ANKS1B: variants seen among roughly 807,000 people sequenced by gnomAD.
The protein encoded by ANKS1B is ankyrin repeat and sterile alpha motif domain containing 1B.
In ANKS1B, 36 loss-of-function variants were observed where a neutral mutation model predicts 148.3. The observed-to-expected ratio is 0.24, with a 90% confidence interval of 0.19 to 0.32. The LOEUF is 0.32. Among genes scored for constraint, ANKS1B ranks in the 10% least tolerant of loss-of-function variants. The pLI, the probability that ANKS1B is intolerant of heterozygous loss-of-function variation, is 1.00. For missense variants in ANKS1B, 1,157 were observed against 1,542.6 expected, an observed-to-expected ratio of 0.75 and a Z score of 4.19; for synonymous variants, 542 against 560.8, an observed-to-expected ratio of 0.97 and a Z score of 0.47.
intron 17 of ANKS1B, among the ~76,000 whole-genome samples, chr12:98,839,395 G>C (rs73149068): frequency 1.1e-4 from 17 of 151,626 alleles, no homozygotes; most frequent in South Asian, 8.3e-4. Context: ...ATGTATGTAT[G>C]TATCTATCTT....
intron 15 of ANKS1B, among the ~76,000 whole-genome samples, chr12:99,126,423 A>G (rs2064363163): frequency 6.6e-6 from 1 of 152,154 alleles, no homozygotes; most frequent in Non-Finnish European, 1.5e-5. Context: ...TAGTATTTCA[A>G]TTTAACAGTT....
chr12:99,818,791 C>A (rs2153674522), intron 2 of ANKS1B, among the ~76,000 whole-genome samples: 1 of 151,922 alleles, frequency 6.6e-6, no homozygotes, highest in Admixed American at 6.6e-5. Flanking sequence ...CAGTTAAAAA[C>A]AGGAATTCTA....
At chr12:99,621,718 T>C (rs1445302399) in intron 9 of ANKS1B, among the ~76,000 whole-genome samples, 1 of 152,066 alleles carries the variant, frequency 6.6e-6, no homozygotes, top group Non-Finnish European at 1.5e-5. Flanking sequence ...ATCCTAGATA[T>C]ATACACACCC....
intron 14 of ANKS1B, among the ~76,000 whole-genome samples, chr12:99,173,900 T>C (rs902842864): frequency 2.0e-5 from 3 of 152,186 alleles, no homozygotes; most frequent in Non-Finnish European, 4.4e-5. Flanking sequence ...AATCTGGTGC[T>C]GTCGGTGGCT....
In ANKS1B at chr12:99,441,341, C is replaced by CA. The variant is rs1338110263; in HGVS notation, c.1575+2331_1575+2332insT. Among the ~76,000 whole-genome samples, 5 of 151,902 alleles carry CA rather than the reference C, an allele frequency of 3.3e-5. No individual in the cohort carries two copies. The South Asian group carries it at 6.2e-4, about 19-fold the overall frequency. The stretch of plus-strand genomic sequence containing the variant: ...CTCCTGTTCTATCCATCCATCCATC[C>CA]TCTATGCACATCCTCTAGTCTTCAA... On this transcript the variant is annotated intron_variant, in intron 11 of 26. Transcript: ENST00000683438.
intron 14 of ANKS1B, among the ~76,000 whole-genome samples, chr12:99,177,537 T>C (rs1429167313): frequency 6.6e-6 from 1 of 152,202 alleles, no homozygotes; most frequent in Admixed American, 6.5e-5. Context: ...AACAGAATGG[T>C]AAGAAATTCA....
chr12:99,221,121 C>T (rs866159924), intron 14 of ANKS1B, among the ~76,000 whole-genome samples: 2 of 152,006 alleles, frequency 1.3e-5, no homozygotes, highest in Admixed American at 6.6e-5. Flanking sequence ...GGGCAGATCA[C>T]GAGGTCAGGA....
intron 8 of ANKS1B, among the ~76,000 whole-genome samples, chr12:99,735,707 C>G (rs2059547465): frequency 6.6e-6 from 1 of 151,408 alleles, no homozygotes; most frequent in Non-Finnish European, 1.5e-5. Flanking sequence ...TACTAATTCT[C>G]CTCAAACTAT....
At position 99,504,465 on chromosome 12, in the gene ANKS1B, A is replaced by G. The variant is rs762871802; in HGVS notation, c.1438+11T>C. The G allele has an allele frequency of 3.8e-6, 6 of 1,597,668 alleles. No homozygotes were observed. The highest frequency in any genetic ancestry group is 5.1e-6 in the Non-Finnish European group (6 of 1,168,656). ...AATTGAATCAGGCCAATTGTGAGTA[A>G]GAGATATTACCAGTTCTTGGGGAAG... On this transcript the variant is annotated intron_variant, in intron 10 of 26. Transcript: ENST00000683438.
At chr12:99,440,841 G>A (rs1358517223) in intron 11 of ANKS1B, among the ~76,000 whole-genome samples, 3 of 151,746 alleles carry the variant, frequency 2.0e-5, no homozygotes, top group Non-Finnish European at 4.4e-5. Context: ...TATACAAGAG[G>A]CAAAGGAAAA....
intron 14 of ANKS1B, among the ~76,000 whole-genome samples, chr12:99,182,762 A>G (rs1416020212): frequency 1.3e-5 from 2 of 151,934 alleles, no homozygotes; most frequent in Non-Finnish European, 2.9e-5. Context: ...GGTGGTTCTA[A>G]TTTACGTTCC....
At position 98,926,970 on chromosome 12, in the gene ANKS1B, G is replaced by A. The variant is rs577257587; in HGVS notation, c.2779-94834C>T. The stretch of plus-strand genomic sequence containing the variant: ...GAATATTTGAAGAAATAACAGCTGG[G>A]AACTCTCCAAACTTGATGAAAACTA... On this transcript the variant is annotated intron_variant, in intron 17 of 26. Transcript: ENST00000683438. Among the ~76,000 whole-genome samples the A allele has an allele frequency of 3.3e-5, 5 of 152,190 alleles. No individual in the cohort carries two copies. In the South Asian group the frequency reaches 8.3e-4, roughly 25 times the overall value.
intron 19 of ANKS1B, among the ~76,000 whole-genome samples, chr12:98,821,732 C>T (rs567802882): frequency 1.3e-5 from 2 of 152,064 alleles, no homozygotes; most frequent in African/African-American, 4.8e-5. Context: ...CTCAGCCTCC[C>T]GAGTAGCTGG....
At position 99,517,653 on chromosome 12, in the gene ANKS1B, T is replaced by C. The variant is rs1011960399; in HGVS notation, c.1273-13012A>G. On this transcript the variant is annotated intron_variant, in intron 9 of 26. Coordinates refer to ENST00000683438, the MANE Select transcript of ANKS1B (RefSeq NM_001352186.2). ...CTGAGGCAGGAGAATCGCTTGAATA[T>C]ATATAGCCAACAAGAATACTTTGAC... Among the ~76,000 whole-genome samples, 11 of 152,102 alleles carry C rather than the reference T, an allele frequency of 7.2e-5. No homozygotes were observed. In the East Asian group the frequency reaches 1.9e-3, roughly 27 times the overall value.
At chr12:98,994,030 C>T (rs1469359502) in intron 17 of ANKS1B, among the ~76,000 whole-genome samples, 4 of 152,110 alleles carry the variant, frequency 2.6e-5, no homozygotes, top group East Asian at 1.9e-4. Context: ...TTAAAACACT[C>T]TTACTTTTAC....
chr12:99,669,626 ATCTCCAGTATTGT>A (rs2098526921), intron 8 of ANKS1B, among the ~76,000 whole-genome samples: 2 of 151,992 alleles, frequency 1.3e-5, no homozygotes, highest in Admixed American at 6.6e-5. Context: ...CTGTTTATGT[ATCTCCAGTATTGT>A]TCTTTCTTTG....
intron 17 of ANKS1B, among the ~76,000 whole-genome samples, chr12:99,013,558 A>C (rs1053784748): frequency 2.0e-5 from 3 of 152,224 alleles, no homozygotes; most frequent in Non-Finnish European, 4.4e-5. Flanking sequence ...AAACAGGAAG[A>C]GAGGAAGTCA....
chr12:98,929,175 C>T (rs1405748217), intron 17 of ANKS1B, among the ~76,000 whole-genome samples: 1 of 151,616 alleles, frequency 6.6e-6, no homozygotes, highest in Non-Finnish European at 1.5e-5. Flanking sequence ...ACAAAAATTC[C>T]TTATAGAATA....
At chr12:99,447,341 T>C (rs1225073027) in intron 10 of ANKS1B, among the ~76,000 whole-genome samples, 1 of 152,012 alleles carries the variant, frequency 6.6e-6, no homozygotes, top group East Asian at 1.9e-4. Flanking sequence ...CTGGGTGCAA[T>C]GGTACATGTC....
Sources: allele counts gnomAD v4.1 joint callset (sites outside exome capture counted in the v4.1 genomes callset), GRCh38; gene constraint gnomAD v4.1.1; transcripts MANE v1.5; gene names NCBI Gene and HGNC (gene_info 2026-07-23, HGNC 2026-07-21).